The following ADGRV1 variants were observed in gnomAD, a reference collection of about 807,000 sequenced individuals.
The protein encoded by ADGRV1 is adhesion G protein-coupled receptor V1, also known as G-protein coupled receptor 98.
ADGRV1 carries 359 observed loss-of-function variants against 596.2 expected under a neutral mutation model. That is an observed-to-expected ratio of 0.60 (90% CI 0.55 to 0.66). The LOEUF is 0.66. Among genes scored for constraint, ADGRV1 ranks in the 30% least tolerant of loss-of-function variants. The probability of loss-of-function intolerance (pLI) is 0.00; values close to 1 mark genes in which losing one functional copy is unlikely to be tolerated. For missense variants in ADGRV1, 7,274 were observed against 7,575.6 expected (o/e 0.96, Z 1.48); for synonymous variants, 2,681 against 2,679.2 (o/e 1.00, Z -0.02).
At chr5:91,011,287 T>A (rs1298321879) in intron 85 of ADGRV1, among the ~76,000 whole-genome samples, 2 of 152,066 alleles carry the variant, frequency 1.3e-5, no homozygotes, top group African/African-American at 4.8e-5. Context: ...TATTACCAGT[T>A]ATTTTATTTT....
chr5:90,740,974 G>T (rs1753890680), intron 50 of ADGRV1, among the ~76,000 whole-genome samples: 1 of 152,184 alleles, frequency 6.6e-6, no homozygotes. Context: ...CATGTTCTGG[G>T]ATATTCATCA....
intron 52 of ADGRV1, among the ~76,000 whole-genome samples, chr5:90,748,782 A>T (rs1240293863): frequency 6.7e-6 from 1 of 149,166 alleles, no homozygotes; most frequent in Non-Finnish European, 1.5e-5. Context: ...TCTTCATGAC[A>T]CTTATAATTG....
chr5:90,769,014 A>G (rs950467973), intron 59 of ADGRV1, among the ~76,000 whole-genome samples: 7 of 152,278 alleles, frequency 4.6e-5, no homozygotes, highest in South Asian at 4.2e-4. Flanking sequence ...GGTGAGTTTT[A>G]TAATCTTGTG....
Position 90,853,540 on chromosome 5 carries a change from T to G in ADGRV1, c.17454+7T>G. 1 of 1,606,158 alleles carries G rather than the reference T, an allele frequency of 6.2e-7. No homozygotes were observed. Among genetic ancestry groups the G allele is most frequent in the Non-Finnish European group, 8.5e-7 (1 of 1,175,112 alleles). On this transcript the variant is annotated splice_region_variant and intron_variant, in intron 80 of 89. Transcript: ENST00000405460. ...TCCTACCCTAAAAAATAAGGTAATC[T>G]TTCATTCAAAACACTTATGTGGTTG... is the stretch of plus-strand genomic sequence containing the variant.
In ADGRV1 at chr5:90,856,752, G is replaced by T. The variant is rs185633492; in HGVS notation, c.17755+851G>T. ...TGCTGTTAGCTAGTTGTGGGACCTG[G>T]ATCAAATTACTTAGTTTCTCTGTAC... On this transcript the variant is annotated intron_variant, in intron 82 of 89. Coordinates refer to ENST00000405460, the MANE Select transcript of ADGRV1 (RefSeq NM_032119.4). 7.2e-5 allele frequency among the ~76,000 whole-genome samples: 11 copies of T among 152,184 alleles called. No homozygotes were observed. The East Asian group carries it at 2.1e-3, about 29-fold the overall frequency.
At chr5:90,860,953 G>C (rs1767494035) in intron 82 of ADGRV1, among the ~76,000 whole-genome samples, 1 of 152,042 alleles carries the variant, frequency 6.6e-6, no homozygotes. Context: ...AAATAATGAA[G>C]ATGTTTATAA....
chr5:90,776,399 A>G, intron 60 of ADGRV1, 54 bp from the exon 61 acceptor site: 3 of 1,549,596 alleles, frequency 1.9e-6, no homozygotes, highest in South Asian at 2.3e-5. Context: ...CCAGGCATAT[A>G]CTAAGTGCTT....
chr5:90,642,707 A>T lies in ADGRV1; in HGVS notation c.2312A>T (p.Asp771Val), dbSNP rs534764504. ...GACCTAATTATTTTGGAAAATGATG[A>T]CCCTGGGGGAGTTTTTGAATTTTCT... Reference protein sequence around the residue: ...SRDLIILENDDPGGVFEFSPA... With the variant: ...SRDLIILENDVPGGVFEFSPA... Residue 771 changes from aspartate to valine, a missense_variant, in exon 12 of 90, where the codon GAC becomes GTC. Physicochemically the swap from Asp to Val is radical, Grantham distance 152 (BLOSUM62 -3). Transcript: ENST00000405460. 1 of 1,613,434 alleles carries T rather than the reference A, an allele frequency of 6.2e-7. No homozygotes were observed.
At chr5:90,847,707 G>C (rs555311392) in intron 78 of ADGRV1, among the ~76,000 whole-genome samples, 113 of 152,196 alleles carry the variant, frequency 7.4e-4, no homozygotes, top group African/African-American at 2.6e-3. Flanking sequence ...CACGGCAGCT[G>C]CTGGCCAAGG....
In ADGRV1 at chr5:90,938,487, G is replaced by A. The variant is rs1311215343; in HGVS notation, c.17857-26928G>A. On this transcript the variant is annotated intron_variant, in intron 83 of 89. Coordinates refer to ENST00000405460, the MANE Select transcript of ADGRV1 (RefSeq NM_032119.4). ...GACTGGCGATGTTTGAGTGCCAAAA[G>A]ATATTACTTAAAGACTTCCCCAGTG... 2.0e-5 allele frequency among the ~76,000 whole-genome samples: 3 copies of A among 152,284 alleles called. No homozygotes were observed. In the East Asian group the frequency reaches 5.8e-4, roughly 29 times the overall value.
At chr5:90,768,651 C>G (rs1031867091) in intron 59 of ADGRV1, among the ~76,000 whole-genome samples, 23 of 152,178 alleles carry the variant, frequency 1.5e-4, no homozygotes, top group Non-Finnish European at 8.8e-5. Flanking sequence ...TTCAGTCCTA[C>G]CTTGGTAACA....
chr5:90,640,991 T>TG (rs1192038911), intron 11 of ADGRV1: 8 of 152,662 alleles, frequency 5.2e-5, no homozygotes, highest in African/African-American at 1.9e-4. Context: ...CTTGTCCACC[T>TG]GGCCATGCAT....
chr5:90,672,071 T>C (rs774649360), intron 21 of ADGRV1, among the ~76,000 whole-genome samples: 7 of 152,196 alleles, frequency 4.6e-5, no homozygotes, highest in Non-Finnish European at 5.9e-5. Context: ...TTGCTTCTTA[T>C]GTCTGTGCCT....
Position 90,853,319 on chromosome 5 carries a change from C to T in ADGRV1, c.17240C>T (p.Ser5747Leu). ...ATCCTTGATAGTTGCCCATATTTGTCAATATTGGCTCTTCACTGGTATCCT... is the reference window on the plus strand; with the variant it reads ...ATCCTTGATAGTTGCCCATATTTGTTAATATTGGCTCTTCACTGGTATCCT... Reference protein sequence around the residue: ...KTILDSCPYLSILALHWYPQQ... With the variant: ...KTILDSCPYLLILALHWYPQQ... Residue 5747 changes from serine to leucine, a missense_variant, in exon 80 of 90, where the codon TCA (serine) becomes TTA (leucine). By Grantham distance (145) the Ser-to-Leu change is moderately radical (BLOSUM62 -2). Coordinates refer to ENST00000405460, the MANE Select transcript of ADGRV1 (RefSeq NM_032119.4). 1.2e-6 allele frequency: 2 copies of T among 1,610,484 alleles called. No homozygotes were observed. Among genetic ancestry groups the T allele is most frequent in the Non-Finnish European group, 1.7e-6 (2 of 1,177,640 alleles).
chr5:90,781,074 T>G lies in ADGRV1; in HGVS notation c.13083-356T>G, dbSNP rs1581102323. On this transcript the variant is annotated intron_variant, in intron 64 of 89. Transcript: ENST00000405460. ...CTTACTTACCTATCTCTGAGTGCAC[T>G]AGGTCTATTACTGTATATGTATGTA... 2.5e-5 allele frequency: 6 copies of G among 243,500 alleles called. No individual in the cohort carries two copies. The South Asian group carries it at 3.4e-4, about 14-fold the overall frequency. 15.1% of individuals were successfully genotyped at this position (243,500 alleles called of 1,614,324 possible).
At chr5:91,115,792 C>T (rs1457114313) in intron 87 of ADGRV1, among the ~76,000 whole-genome samples, 2 of 152,048 alleles carry the variant, frequency 1.3e-5, no homozygotes, top group Non-Finnish European at 2.9e-5. Flanking sequence ...ACTAAAAATA[C>T]AAAAATTAGC....
chr5:90,644,166 C>T (rs1283893204), intron 14 of ADGRV1, among the ~76,000 whole-genome samples, 183 bp downstream of exon 14: 5 of 151,974 alleles, frequency 3.3e-5, no homozygotes. Context: ...TACATAGTAT[C>T]GTGATGATAC....
intron 5 of ADGRV1, among the ~76,000 whole-genome samples, 158 bp downstream of exon 5, chr5:90,622,859 GAGTCCCGAGT>G (rs1267590897): frequency 6.6e-6 from 1 of 152,182 alleles, no homozygotes; most frequent in Non-Finnish European, 1.5e-5. Context: ...TCCTGCCTCA[GAGTCCCGAGT>G]AGCTAGGATT....
At position 90,807,632 on chromosome 5, in the gene ADGRV1, G is replaced by A. The variant is rs1457906021; in HGVS notation, c.14867G>A (p.Arg4956Lys). 1 of 1,613,044 alleles carries A rather than the reference G, an allele frequency of 6.2e-7. No homozygotes were observed. Among genetic ancestry groups the A allele is most frequent in the African/African-American group, 1.3e-5 (1 of 75,054 alleles). Residue 4956 changes from arginine (R) to lysine (K), a missense_variant, in exon 73 of 90, where the codon AGG becomes AAG. By Grantham distance (26) the Arg-to-Lys change is conservative (BLOSUM62 2). Coordinates refer to ENST00000405460, the MANE Select transcript of ADGRV1 (RefSeq NM_032119.4). ...CTTTCATTTTCCCACGGTGAACAAA[G>A]GAAAGGAGTTTTCCTGTGGACGTTT... ...GSLSFSHGEQ[R>K]KGVFLWTFPS...
Sources: allele counts gnomAD v4.1 joint callset (sites outside exome capture counted in the v4.1 genomes callset), GRCh38; gene constraint gnomAD v4.1.1; transcripts MANE v1.5; gene names NCBI Gene and HGNC (gene_info 2026-07-23, HGNC 2026-07-21).